TSG101: variants seen among roughly 807,000 people sequenced by gnomAD.
The protein encoded by TSG101 is tumor susceptibility gene 101 protein.
A neutral mutation model predicts 48.5 loss-of-function variants in TSG101; 19 were observed. The observed-to-expected ratio is 0.39, with a 90% CI of 0.27 to 0.58. TSG101 has a LOEUF of 0.58. TSG101 is among the 20% of genes least tolerant of loss of function. TSG101 has a pLI of 0.55. For missense variants in TSG101, 365 were observed against 484.4 expected (o/e 0.75, Z 2.31); for synonymous variants, 174 against 169.4 (o/e 1.03, Z -0.21).
intron 2 of TSG101, among the ~76,000 whole-genome samples, chr11:18,516,406 G>A (rs1664179506): frequency 1.3e-5 from 2 of 151,592 alleles, no homozygotes; most frequent in Admixed American, 6.6e-5. Context: ...GTGCAATGGC[G>A]CGATTTTGGC....
intron 7 of TSG101, among the ~76,000 whole-genome samples, chr11:18,486,073 G>A (rs758326897): frequency 6.6e-6 from 1 of 152,220 alleles, no homozygotes; most frequent in Non-Finnish European, 1.5e-5. Context: ...AGAAGCCGCA[G>A]GACTCAGCCA....
chr11:18,512,525 G>C (rs946161295), intron 4 of TSG101, among the ~76,000 whole-genome samples: 3 of 152,102 alleles, frequency 2.0e-5, no homozygotes, highest in Non-Finnish European at 4.4e-5. Context: ...GGGTGGAGTG[G>C]AGGGATGTCC....
chr11:18,503,356 C>G (rs1849918121), intron 6 of TSG101, among the ~76,000 whole-genome samples: 1 of 150,734 alleles, frequency 6.6e-6, no homozygotes. Flanking sequence ...TCAAGCTTCT[C>G]TTCTTCAGGT....
chr11:18,511,371 T>C (rs1850078755), intron 4 of TSG101: 1 of 152,256 alleles, frequency 6.6e-6, no homozygotes, highest in African/African-American at 2.4e-5. Context: ...ACCTAACTCA[T>C]GGAAGATGAC....
intron 1 of TSG101, among the ~76,000 whole-genome samples, chr11:18,526,338 A>T (rs894318872): frequency 6.6e-6 from 1 of 152,200 alleles, no homozygotes; most frequent in African/African-American, 2.4e-5. Context: ...AAAAGGCCAC[A>T]CTCTCTGCGG....
Position 18,481,636 on chromosome 11 carries a change from G to A in TSG101, c.1077C>T (p.Phe359=). The change falls in exon 9 of 10, where the codon TTC becomes TTT. Residue 359 remains phenylalanine, a synonymous_variant. Transcript: ENST00000251968. The part of the protein sequence containing the change: ...LRRGVIDLDV[F]LKHVRLLSRK... ...ACGTAAAATGAAGAAATACCTTCAGGAAGACATCCAGGTCTATCACGCCCC... is the reference window on the plus strand; with the variant it reads ...ACGTAAAATGAAGAAATACCTTCAGAAAGACATCCAGGTCTATCACGCCCC... The A allele has an allele frequency of 3.1e-6, 5 of 1,610,632 alleles. No individual in the cohort carries two copies. The highest frequency in any genetic ancestry group is 4.2e-6 in the Non-Finnish European group (5 of 1,178,458).
intron 5 of TSG101, chr11:18,508,797 T>C (rs1005846310): frequency 2.0e-5 from 3 of 149,930 alleles, no homozygotes; most frequent in African/African-American, 7.6e-5. Context: ...ATAATTTGTC[T>C]TGTAAGATAA....
At chr11:18,490,089 A>G (rs1030346062) in intron 7 of TSG101, among the ~76,000 whole-genome samples, 6 of 152,218 alleles carry the variant, frequency 3.9e-5, no homozygotes, top group African/African-American at 1.4e-4. Flanking sequence ...GAATACAAAC[A>G]CCAGCTGTTT....
At chr11:18,509,743 G>A (rs1052502070) in intron 4 of TSG101, 78 bp from the exon 5 acceptor site, 11 of 1,429,100 alleles carry the variant, frequency 7.7e-6, no homozygotes, top group South Asian at 6.5e-5. Context: ...ATTTCTCATC[G>A]GTTTTCAACT....
At position 18,481,799 on chromosome 11, in the gene TSG101, A is replaced by G; in HGVS notation, c.914T>C (p.Met305Thr). The G allele has an allele frequency of 6.2e-7, 1 of 1,614,076 alleles. No individual in the cohort carries two copies. Among genetic ancestry groups the G allele is most frequent in the Non-Finnish European group, 8.5e-7 (1 of 1,180,010 alleles). ...ATCATTGTTTTCAGACTGATTTTCCATTTTTTCCAGAGCAGAACTGAGTTC... is the reference window on the plus strand; with the variant it reads ...ATCATTGTTTTCAGACTGATTTTCCGTTTTTTCCAGAGCAGAACTGAGTTC... The part of the protein sequence containing the change: ...DEELSSALEK[M>T]ENQSENNDID... Residue 305 changes from methionine (M) to threonine (T), a missense_variant, in exon 9 of 10, where the codon ATG (methionine) becomes ACG (threonine). Met to Thr is a moderately conservative substitution (Grantham distance 81). Coordinates refer to ENST00000251968, the MANE Select transcript of TSG101 (RefSeq NM_006292.4).
At chr11:18,496,473 A>AAAATAAAATAAAATAAAATAAAATAAAAT (rs1849782654) in intron 7 of TSG101, among the ~76,000 whole-genome samples, 1 of 147,270 alleles carries the variant, frequency 6.8e-6, no homozygotes, top group Non-Finnish European at 1.5e-5. Flanking sequence ...AAAATAAAAT[A>AAAATAAAATAAAATAAAATAAAATAAAAT]AAATAAAATA....
chr11:18,526,843 C>T lies in TSG101; in HGVS notation c.-27G>A. On this transcript the variant is annotated 5_prime_UTR_variant, in exon 1 of 10. Coordinates refer to ENST00000251968, the MANE Select transcript of TSG101 (RefSeq NM_006292.4). Reference sequence around the variant, plus strand: ...ACGGCCGCCTGGCGACTCCCTTCCCCGCAGGCAGAGGGTCAGCCGCTGCTG... The same window carrying T: ...ACGGCCGCCTGGCGACTCCCTTCCCTGCAGGCAGAGGGTCAGCCGCTGCTG... 3 of 1,596,738 alleles carry T rather than the reference C, an allele frequency of 1.9e-6. No individual in the cohort carries two copies. The highest frequency in any genetic ancestry group is 1.7e-5 in the Admixed American group (1 of 59,396).
At chr11:18,496,582 G>A (rs1436446347) in intron 7 of TSG101, among the ~76,000 whole-genome samples, 1 of 152,058 alleles carries the variant, frequency 6.6e-6, no homozygotes, top group Non-Finnish European at 1.5e-5. Flanking sequence ...TCTGTAATCC[G>A]GGAGGCCAGC....
chr11:18,506,826 T>C, intron 6 of TSG101, 31 bp downstream of exon 6: 1 of 1,511,574 alleles, frequency 6.6e-7, no homozygotes, highest in South Asian at 1.4e-5. Flanking sequence ...GAATTTGTAA[T>C]ACAATTATTC....
At chr11:18,519,095 G>A (rs1295499185) in intron 2 of TSG101, among the ~76,000 whole-genome samples, 1 of 151,982 alleles carries the variant, frequency 6.6e-6, no homozygotes, top group Non-Finnish European at 1.5e-5. Flanking sequence ...CTGCCTCCTG[G>A]ACTGCCTCCT....
chr11:18,485,395 G>A (rs1330511526), intron 7 of TSG101, among the ~76,000 whole-genome samples: 1 of 152,098 alleles, frequency 6.6e-6, no homozygotes, highest in Non-Finnish European at 1.5e-5. Context: ...TGAAGGAAAG[G>A]TCTCTATAAT....
At chr11:18,517,560 A>G (rs1850200211) in intron 2 of TSG101, among the ~76,000 whole-genome samples, 1 of 152,218 alleles carries the variant, frequency 6.6e-6, no homozygotes, top group African/African-American at 2.4e-5. Flanking sequence ...CTGGTCCCAT[A>G]AGATTATAAT....
rs1565080951 is a variant in TSG101 at position 18,483,890 on chromosome 11, T to C, written c.823A>G (p.Thr275Ala). The C allele has an allele frequency of 2.5e-6, 4 of 1,614,176 alleles. No homozygotes were observed. The highest frequency in any genetic ancestry group is 3.4e-6 in the Non-Finnish European group (4 of 1,180,022). Residue 275 changes from threonine to alanine, a missense_variant, in exon 8 of 10, where the codon ACC becomes GCC. By Grantham distance (58) the Thr-to-Ala change is moderately conservative (BLOSUM62 0). Coordinates refer to ENST00000251968, the MANE Select transcript of TSG101 (RefSeq NM_006292.4). ...KGHQKLEEMV[T>A]RLDQEVAEVD... ...CTTACTACTTCTTGATCTAAACGGG[T>C]AACCATCTCTTCCAGTTTCTGGTGA...
At chr11:18,483,657 T>C (rs1849579305) in intron 8 of TSG101, among the ~76,000 whole-genome samples, 1 of 152,144 alleles carries the variant, frequency 6.6e-6, no homozygotes, top group African/African-American at 2.4e-5. Context: ...GCAAACAAAA[T>C]GGTCTAAATA....
Sources: gnomAD v4.1 joint callset for allele counts (sites outside exome capture counted in the v4.1 genomes callset) on GRCh38, gnomAD v4.1.1 for gene constraint, MANE v1.5 for transcripts, NCBI Gene and HGNC (gene_info 2026-07-23, HGNC 2026-07-21) for gene names.